C2CD2L: variants seen among roughly 807,000 people sequenced by gnomAD.
The protein encoded by C2CD2L is phospholipid transfer protein C2CD2L.
C2CD2L carries 24 observed loss-of-function variants against 69.9 expected under a neutral mutation model. The ratio of observed to expected loss-of-function variants is 0.34; its 90% confidence interval spans 0.25 to 0.48. The LOEUF (loss-of-function observed/expected upper bound fraction) is 0.48. C2CD2L is among the 20% of genes least tolerant of loss of function. The pLI, the probability that C2CD2L is intolerant of heterozygous loss-of-function variation, is 0.99. For missense variants in C2CD2L, 811 were observed against 941.5 expected (o/e 0.86, Z 1.81); for synonymous variants, 367 against 391.0 (o/e 0.94, Z 0.72).
chr11:119,116,031 C>T lies in C2CD2L; in HGVS notation c.1910-14C>T, dbSNP rs752377629. On this transcript the variant is annotated splice_polypyrimidine_tract_variant and intron_variant, in intron 13 of 13. Transcript: ENST00000648610. ...GTGCCCCTCTCTGCCTCAGCTTCCC[C>T]TCTTCCCCTGCAGTGAGTTTCCTGC... The T allele has an allele frequency of 6.2e-7, 1 of 1,612,888 alleles. No individual in the cohort carries two copies. Among genetic ancestry groups the T allele is most frequent in the Non-Finnish European group, 8.5e-7 (1 of 1,179,732 alleles).
Position 119,110,368 on chromosome 11 carries a change from T to C in C2CD2L, c.450+169T>C, listed in dbSNP as rs1592238307. ...TTGAAGTTATGTGCAAAATGTTGGA[T>C]GTGTGTTTATATGCATTTTTCTGGG... On this transcript the variant is annotated intron_variant, in intron 2 of 13. Transcript: ENST00000648610. This position sits in a 1 kb window ranked among gnomAD's most constrained non-coding sequence, Gnocchi z 5.7. Among the ~76,000 whole-genome samples, 1 of 152,312 alleles carries C rather than the reference T, an allele frequency of 6.6e-6. No homozygotes were observed. The highest frequency in any genetic ancestry group is 2.1e-4 in the South Asian group (1 of 4,828).
intron 13 of C2CD2L, 93 bp from the exon 14 acceptor site, chr11:119,115,952 A>C: frequency 9.7e-7 from 1 of 1,035,362 alleles, no homozygotes; most frequent in Non-Finnish European, 1.4e-6. Flanking sequence ...TCCTGTCCAC[A>C]TCCTCTTTCC....
rs761346580 is a variant in C2CD2L at position 119,110,142 on chromosome 11, C to T, written c.393C>T (p.Leu131=). ...IQIAFEEVPQ[L]PPRASISHVT... ...TCGCCTTTGAGGAGGTGCCCCAACT[C>T]CCACCCAGAGCCAGCATCAGTCATG... The change falls in exon 2 of 14, where the codon CTC becomes CTT. Residue 131 remains leucine, a synonymous_variant. Coordinates refer to ENST00000648610, the MANE Select transcript of C2CD2L (RefSeq NM_001290474.2). This position sits in a 1 kb window ranked among gnomAD's most constrained non-coding sequence, Gnocchi z 5.7. The T allele has an allele frequency of 1.9e-6, 3 of 1,613,992 alleles. No homozygotes were observed. The highest frequency in any genetic ancestry group is 1.3e-5 in the African/African-American group (1 of 75,048).
chr11:119,108,347 T>G, intron 1 of C2CD2L: 1 of 443,044 alleles, frequency 2.3e-6, no homozygotes, highest in Non-Finnish European at 4.0e-6. Flanking sequence ...GCTGTTCTCA[T>G]AGCAACGCTA....
Position 119,114,406 on chromosome 11 carries a change from A to G in C2CD2L, c.1909+41A>G. On this transcript the variant is annotated intron_variant, in intron 13 of 13. Coordinates refer to ENST00000648610, the MANE Select transcript of C2CD2L (RefSeq NM_001290474.2). This position sits in a 1 kb window ranked among gnomAD's most constrained non-coding sequence, Gnocchi z 5.1. ...CAGGGTGCCCCTCATCTCTTCTTTT[A>G]TACACATATCATGACCTGGGGGACC... 1 of 1,596,766 alleles carries G rather than the reference A, an allele frequency of 6.3e-7. No individual in the cohort carries two copies. The highest frequency in any genetic ancestry group is 1.1e-5 in the South Asian group (1 of 90,020).
intron 10 of C2CD2L, 190 bp from the exon 11 acceptor site, chr11:119,113,421 C>A: frequency 2.6e-6 from 2 of 783,810 alleles, no homozygotes; most frequent in Non-Finnish European, 4.0e-6. Flanking sequence ...ATGGCACTTT[C>A]CTACACTCCC....
At position 119,116,433 on chromosome 11, in the gene C2CD2L, G is replaced by C. The variant is rs1946895163; in HGVS notation, c.*177G>C. On this transcript the variant is annotated 3_prime_UTR_variant, in exon 14 of 14. Transcript: ENST00000648610. ...TACTTGGAACGGGAAGCACATGAGA[G>C]GTGGGCACCCGGTGCCGAGGACATG... The C allele has an allele frequency of 3.3e-6, 2 of 612,776 alleles. No individual in the cohort carries two copies. The highest frequency in any genetic ancestry group is 2.9e-5 in the Admixed American group (1 of 34,446). The allele number at this position is 612,776 out of a possible 1,614,324, so 38.0% of individuals were successfully genotyped here. A position where few individuals can be genotyped will look rare whatever the true frequency, so the allele number is the denominator to read the frequency against.
At chr11:119,113,091 C>T (rs1592242157) in intron 10 of C2CD2L, 1 of 591,308 alleles carries the variant, frequency 1.7e-6, no homozygotes, top group South Asian at 2.0e-5. Flanking sequence ...CTCTGCCACC[C>T]TTCTGGATCC....
Position 119,110,642 on chromosome 11 carries a change from G to A in C2CD2L, c.532G>A (p.Glu178Lys). The A allele has an allele frequency of 6.2e-7, 1 of 1,613,660 alleles. No homozygotes were observed. Among genetic ancestry groups the A allele is most frequent in the Non-Finnish European group, 8.5e-7 (1 of 1,179,976 alleles). ...TQQSPAAVSMETYHVTLTLPP... is the reference protein window; with the variant it reads ...TQQSPAAVSMKTYHVTLTLPP... ...GCAGTCCCCCGCTGCCGTCTCCATG[G>A]AGACCTACCACGTCACTCTGACACT... The change falls in exon 3 of 14, where the codon GAG becomes AAG. Residue 178 changes from glutamate to lysine, a missense_variant. Physicochemically the swap from Glu to Lys is moderately conservative, Grantham distance 56. Transcript: ENST00000648610. This position sits in a 1 kb window ranked among gnomAD's most constrained non-coding sequence, Gnocchi z 5.7.
At position 119,112,858 on chromosome 11, in the gene C2CD2L, T is replaced by C. The variant is rs1946787704; in HGVS notation, c.1371T>C (p.Arg457=). 6.2e-7 allele frequency: 1 copy of C among 1,613,588 alleles called. No individual in the cohort carries two copies. Among genetic ancestry groups the C allele is most frequent in the Non-Finnish European group, 8.5e-7 (1 of 1,179,818 alleles). Residue 457 remains arginine (R), a synonymous_variant, in exon 10 of 14, where the codon CGT becomes CGC. Coordinates refer to ENST00000648610, the MANE Select transcript of C2CD2L (RefSeq NM_001290474.2). ...TCACCACTGTCCAGTCCCGGCCCCGTATAGACGGCAAATTAGGTAAAGAGA... is the reference window on the plus strand; with the variant it reads ...TCACCACTGTCCAGTCCCGGCCCCGCATAGACGGCAAATTAGGTAAAGAGA... The part of the protein sequence containing the change: ...TTVTTVQSRP[R]IDGKLDSPSR...
Position 119,116,441 on chromosome 11 carries a change from C to G in C2CD2L, c.*185C>G, listed in dbSNP as rs558509853. The G allele has an allele frequency of 3.3e-6, 2 of 606,852 alleles. No individual in the cohort carries two copies. Among genetic ancestry groups the G allele is most frequent in the Admixed American group, 2.9e-5 (1 of 34,280 alleles). 37.6% of individuals were successfully genotyped at this position (606,852 alleles called of 1,614,324 possible). A position where few individuals can be genotyped will look rare whatever the true frequency, so the allele number is the denominator to read the frequency against. ...ACGGGAAGCACATGAGAGGTGGGCACCCGGTGCCGAGGACATGGACGAGGG... is the reference window on the plus strand; with the variant it reads ...ACGGGAAGCACATGAGAGGTGGGCAGCCGGTGCCGAGGACATGGACGAGGG... On this transcript the variant is annotated 3_prime_UTR_variant, in exon 14 of 14. Coordinates refer to ENST00000648610, the MANE Select transcript of C2CD2L (RefSeq NM_001290474.2).
At position 119,111,170 on chromosome 11, in the gene C2CD2L, T is replaced by TGA; in HGVS notation, c.798+4_798+5dup. 1 of 1,613,180 alleles carries TGA rather than the reference T, an allele frequency of 6.2e-7. No homozygotes were observed. On this transcript the variant is annotated splice_region_variant and intron_variant, in intron 5 of 13. Transcript: ENST00000648610. The stretch of plus-strand genomic sequence containing the variant: ...GCTTGCTCTGCCCCAGGAGGCCTGG[T>TGA]GAGTTGGCACCCAAAGCAAAAGATT...
At chr11:119,113,559 G>A (rs1462554285) in intron 10 of C2CD2L, 52 bp from the exon 11 acceptor site, 29 of 1,566,156 alleles carry the variant, frequency 1.9e-5, no homozygotes, top group Non-Finnish European at 2.5e-5. Flanking sequence ...CAGTAGGGGT[G>A]GGGGCCACTC....
upstream of C2CD2L, among the ~76,000 whole-genome samples, chr11:119,102,802 C>G (rs952179920): frequency 1.7e-4 from 26 of 151,202 alleles, no homozygotes; most frequent in Non-Finnish European, 2.4e-4. Flanking sequence ...TGCTTGGCCT[C>G]CTGCAGGTTG....
At chr11:119,102,401 CA>C (rs879610913), upstream of C2CD2L, 1 of 460,006 alleles carries the variant, frequency 2.2e-6, no homozygotes. Flanking sequence ...TTCCCGGAAA[CA>C]AAGCTACGAT....
At chr11:119,111,741 C>T (rs1276739045) in intron 7 of C2CD2L, 112 bp downstream of exon 7, 4 of 723,402 alleles carry the variant, frequency 5.5e-6, no homozygotes, top group Non-Finnish European at 9.0e-6. Flanking sequence ...GGCGTGAGCT[C>T]CTATTGTATG....
Position 119,107,675 on chromosome 11 carries a change from C to A in C2CD2L, c.-67C>A. On this transcript the variant is annotated 5_prime_UTR_variant, in exon 1 of 14. Coordinates refer to ENST00000648610, the MANE Select transcript of C2CD2L (RefSeq NM_001290474.2). This position sits in a 1 kb window ranked among gnomAD's most constrained non-coding sequence, Gnocchi z 5.4. The stretch of plus-strand genomic sequence containing the variant: ...GCCCACCTCCTCCCCGCGGCCCGCC[C>A]GGGCCATGCTCCCCCGGGGCAGCGG... 1 of 1,068,802 alleles carries A rather than the reference C, an allele frequency of 9.4e-7. No homozygotes were observed. The highest frequency in any genetic ancestry group is 1.2e-6 in the Non-Finnish European group (1 of 808,994). The allele number at this position is 1,068,802 out of a possible 1,614,324, so 66.2% of individuals were successfully genotyped here.
chr11:119,102,298 G>C (rs1360679402), upstream of C2CD2L: 2 of 472,676 alleles, frequency 4.2e-6, no homozygotes, highest in Non-Finnish European at 8.8e-6. Flanking sequence ...AAGGCAGGGG[G>C]TGGGGAGGAG....
upstream of C2CD2L, chr11:119,106,664 C>T (rs912223638): frequency 7.9e-5 from 12 of 152,232 alleles, no homozygotes; most frequent in African/African-American, 2.7e-4. Context: ...ACCACCCCCT[C>T]TACACGTGCT....
Sources: gnomAD v4.1 joint callset for allele counts (sites outside exome capture counted in the v4.1 genomes callset) on GRCh38, gnomAD v4.1.1 for gene constraint, Gnocchi (gnomAD v3.1) non-coding constraint, MANE v1.5 for transcripts, NCBI Gene and HGNC (gene_info 2026-07-23, HGNC 2026-07-21) for gene names.